The following MDGA1 variants were observed in gnomAD, a reference collection of about 807,000 sequenced individuals.
MDGA1 encodes MAM domain-containing glycosylphosphatidylinositol anchor protein 1.
MDGA1 carries 54 observed loss-of-function variants against 101.5 expected under a neutral mutation model. The observed-to-expected ratio is 0.53, with a 90% CI of 0.43 to 0.67. MDGA1 has a LOEUF of 0.67. Ranked by LOEUF, MDGA1 falls within the 30% of genes least tolerant of loss-of-function variation. The pLI, the probability that MDGA1 is intolerant of heterozygous loss-of-function variation, is 0.00. For missense variants in MDGA1, 1,083 were observed against 1,323.8 expected, an observed-to-expected ratio of 0.82 and a Z score of 2.82; for synonymous variants, 533 against 558.3, an observed-to-expected ratio of 0.95 and a Z score of 0.64.
chr6:37,694,472 A>G (rs1240689865), intron 1 of MDGA1, among the ~76,000 whole-genome samples: 2 of 152,158 alleles, frequency 1.3e-5, no homozygotes, highest in African/African-American at 4.8e-5. Context: ...CCTGGTCCCT[A>G]TGTGCCGCCT....
At chr6:37,658,160 C>G in intron 3 of MDGA1, 85 bp downstream of exon 3, 1 of 1,414,896 alleles carries the variant, frequency 7.1e-7, no homozygotes, top group Non-Finnish European at 9.3e-7. Flanking sequence ...CCCATGCCCA[C>G]TTCCCCACCT....
In MDGA1 at chr6:37,652,066, G is replaced by A. The variant is rs1460395662; in HGVS notation, c.1257C>T (p.Phe419=). 6.2e-7 allele frequency: 1 copy of A among 1,612,406 alleles called. No homozygotes were observed. Among genetic ancestry groups the A allele is most frequent in the Non-Finnish European group, 8.5e-7 (1 of 1,179,518 alleles). ...DYGTYLCMAS[F]PGAPVPDLSV... ...TGAGGTCGGGCACGGGTGCCCCTGG[G>A]AAAGAAGCCATGCACAGGTAGGTGC... Residue 419 remains phenylalanine, a synonymous_variant, in exon 7 of 17, where the codon TTC becomes TTT. Transcript: ENST00000434837. This position sits in a 1 kb window ranked among gnomAD's most constrained non-coding sequence, Gnocchi z 4.3.
At chr6:37,647,475 C>T (rs1422895222) in intron 9 of MDGA1, among the ~76,000 whole-genome samples, 151 bp from the exon 10 acceptor site, 4 of 145,234 alleles carry the variant, frequency 2.8e-5, no homozygotes, top group Non-Finnish European at 6.0e-5. Context: ...AGGTGGGGAA[C>T]GTTGGGAGAA....
At position 37,635,702 on chromosome 6, in the gene MDGA1, C is replaced by A. The variant is rs1351604010; in HGVS notation, c.*1666G>T. 1 of 398,650 alleles carries A rather than the reference C, an allele frequency of 2.5e-6. No individual in the cohort carries two copies. Among genetic ancestry groups the A allele is most frequent in the Non-Finnish European group, 4.4e-6 (1 of 226,090 alleles). 24.7% of individuals were successfully genotyped at this position (398,650 alleles called of 1,614,324 possible). ...CCCCACCAAATGCTCCAGAAGGAGC[C>A]CTGTGATGCTCCTCACCAAAGGTGC... On this transcript the variant is annotated 3_prime_UTR_variant, in exon 17 of 17. Coordinates refer to ENST00000434837, the MANE Select transcript of MDGA1 (RefSeq NM_153487.4).
At chr6:37,684,831 C>T (rs2114098746) in intron 1 of MDGA1, among the ~76,000 whole-genome samples, 1 of 152,256 alleles carries the variant, frequency 6.6e-6, no homozygotes. Flanking sequence ...GCCTTATGGG[C>T]TTTATGTATC....
rs73734231 is a variant in MDGA1, at chr6:37,644,388, G to A, written c.2401+109C>T. 2.1e-3 allele frequency: 2,477 copies of A among 1,185,558 alleles called. 42 individuals are homozygous for A. The African/African-American group carries it at 0.034, about 16-fold the overall frequency. The allele number at this position is 1,185,558 out of a possible 1,614,324, so 73.4% of individuals were successfully genotyped here. On this transcript the variant is annotated intron_variant, in intron 13 of 16. Coordinates refer to ENST00000434837, the MANE Select transcript of MDGA1 (RefSeq NM_153487.4). The stretch of plus-strand genomic sequence containing the variant: ...CAGAGCTCCCTGAGAACAGGGCTGC[G>A]TCTCCCTCAGACTGGAGCCGTCTCC...
Position 37,650,385 on chromosome 6 carries a change from G to T in MDGA1, c.1333C>A (p.Pro445Thr). ...SETVPPTISV[P>T]KGRAVVTVRE... is the part of the protein sequence containing the mutation. Reference sequence around the variant, plus strand: ...ACGGTCACCACGGCCCTACCCTTGGGCACACTGATGGTGGGCGGCACTGTG... The same window carrying T: ...ACGGTCACCACGGCCCTACCCTTGGTCACACTGATGGTGGGCGGCACTGTG... Residue 445 changes from proline to threonine, a missense_variant, in exon 8 of 17, where the codon CCC becomes ACC. This residue lies in a region of MDGA1 where 657 missense variants were observed against 771.4 expected (regional missense o/e 0.85). Coordinates refer to ENST00000434837, the MANE Select transcript of MDGA1 (RefSeq NM_153487.4). 6.4e-7 allele frequency: 1 copy of T among 1,557,536 alleles called. No individual in the cohort carries two copies. Among genetic ancestry groups the T allele is most frequent in the African/African-American group, 1.3e-5 (1 of 74,138 alleles).
chr6:37,657,333 G>C (rs1437262008), intron 3 of MDGA1, among the ~76,000 whole-genome samples: 1 of 152,116 alleles, frequency 6.6e-6, no homozygotes, highest in African/African-American at 2.4e-5. Context: ...CCAACATCTT[G>C]CAACGAATGT....
intron 1 of MDGA1, among the ~76,000 whole-genome samples, chr6:37,671,079 T>C (rs1426966136): frequency 6.6e-6 from 1 of 152,134 alleles, no homozygotes; most frequent in African/African-American, 2.4e-5. Context: ...CCTATTTTAC[T>C]CTCCTGATTT....
At chr6:37,678,351 C>A (rs1018956081) in intron 1 of MDGA1, among the ~76,000 whole-genome samples, 19 of 152,160 alleles carry the variant, frequency 1.2e-4, no homozygotes, top group African/African-American at 4.6e-4. Context: ...TGCGATGCCA[C>A]CCTAGTCTTA....
In MDGA1 at chr6:37,635,542, G is replaced by A. The variant is rs147856132; in HGVS notation, c.*1826C>T. On this transcript the variant is annotated 3_prime_UTR_variant, in exon 17 of 17. Transcript: ENST00000434837. ...AGAAGGCCCCGCTGCATCCTGGCCC[G>A]GCCACCCACCAGCTGTTGGTGATAA... The A allele has an allele frequency of 3.8e-4, 151 of 398,676 alleles. No individual in the cohort carries two copies. The East Asian group carries it at 4.1e-3, about 11-fold the overall frequency. 24.7% of individuals were successfully genotyped at this position (398,676 alleles called of 1,614,324 possible). A position where few individuals can be genotyped will look rare whatever the true frequency, so the allele number is the denominator to read the frequency against.
intron 1 of MDGA1, among the ~76,000 whole-genome samples, chr6:37,680,129 G>C (rs926288664): frequency 4.6e-5 from 7 of 152,194 alleles, no homozygotes; most frequent in African/African-American, 1.7e-4. Context: ...TCCCCTCCCG[G>C]GGGCGGGGGT....
At position 37,682,209 on chromosome 6, in the gene MDGA1, G is replaced by T. The variant is rs866929677; in HGVS notation, c.67+14536C>A. Among the ~76,000 whole-genome samples the T allele has an allele frequency of 9.2e-5, 14 of 152,356 alleles. No homozygotes were observed. The Middle Eastern group carries it at 0.01, about 111-fold the overall frequency. On this transcript the variant is annotated intron_variant, in intron 1 of 16. Transcript: ENST00000434837. ...TCTAAAAACTGAGCAGGTAGGCTGG[G>T]CGCAGTGGCTTATGCCTGTAATCCC...
At chr6:37,657,644 G>C (rs964176188) in intron 3 of MDGA1, among the ~76,000 whole-genome samples, 1 of 152,214 alleles carries the variant, frequency 6.6e-6, no homozygotes, top group Non-Finnish European at 1.5e-5. Context: ...TGCCAGACAG[G>C]CTCCTGGGCC....
At chr6:37,690,939 A>G (rs1762296723) in intron 1 of MDGA1, among the ~76,000 whole-genome samples, 1 of 151,776 alleles carries the variant, frequency 6.6e-6, no homozygotes, top group African/African-American at 2.4e-5. Context: ...GCCCCTCTCA[A>G]TCCTTACTTC....
rs189726752 is a variant in MDGA1 at position 37,692,689 on chromosome 6, C to A, written c.67+4056G>T. 3.9e-5 allele frequency among the ~76,000 whole-genome samples: 6 copies of A among 152,062 alleles called. No homozygotes were observed. The East Asian group carries it at 9.7e-4, about 24-fold the overall frequency. ...CCTACAGATTCCACCCCCCTTCCCC[C>A]CCAGCCTGTCCCTCCATGTTCCAGC... On this transcript the variant is annotated intron_variant, in intron 1 of 16. Transcript: ENST00000434837.
chr6:37,684,256 A>C (rs1581629033), intron 1 of MDGA1, among the ~76,000 whole-genome samples: 1 of 152,052 alleles, frequency 6.6e-6, no homozygotes, highest in Non-Finnish European at 1.5e-5. Flanking sequence ...ACTGGCAGCA[A>C]CCTCCAGTTC....
intron 8 of MDGA1, chr6:37,649,782 T>A: frequency 1.8e-6 from 1 of 541,488 alleles, no homozygotes; most frequent in Middle Eastern, 2.8e-4. Context: ...ATGGTGGTAA[T>A]TTTCATCATC....
intron 2 of MDGA1, among the ~76,000 whole-genome samples, chr6:37,661,707 C>T (rs938993341): frequency 2.6e-5 from 4 of 152,060 alleles, no homozygotes; most frequent in Non-Finnish European, 4.4e-5. Flanking sequence ...ACAAGAGAGG[C>T]AGGTGGAGGC....
Sources: gnomAD v4.1 joint callset for allele counts (sites outside exome capture counted in the v4.1 genomes callset) on GRCh38, gnomAD v4.1.1 for gene constraint, gnomAD v4.1.1 regional missense constraint, Gnocchi (gnomAD v3.1) non-coding constraint, MANE v1.5 for transcripts, NCBI Gene and HGNC (gene_info 2026-07-23, HGNC 2026-07-21) for gene names.